CCDC92B: variants seen among roughly 807,000 people sequenced by gnomAD.
CCDC92B encodes the protein coiled-coil domain containing 92B, also known as coiled-coil domain-containing 92B.
Under a neutral mutation model 5.6 loss-of-function variants are expected in CCDC92B, and 2 were observed. The observed-to-expected ratio is 0.36, with a 90% confidence interval of 0.15 to 1.12. The LOEUF (loss-of-function observed/expected upper bound fraction) is 1.12. CCDC92B is among the 50% of genes most tolerant of loss of function. The pLI, the probability that CCDC92B is intolerant of heterozygous loss-of-function variation, is 0.40. For synonymous variants in CCDC92B, 115 were observed against 122.3 expected, an observed-to-expected ratio of 0.94 and a Z score of 0.39; for missense variants, 271 against 262.2, an observed-to-expected ratio of 1.03 and a Z score of -0.23.
In CCDC92B at chr17:2,734,165, C is replaced by G. The variant is rs183900339; in HGVS notation, c.130+851G>C. 2.4e-3 allele frequency among the ~76,000 whole-genome samples: 361 copies of G among 152,232 alleles called. 1 individual carries two copies. Among genetic ancestry groups the G allele is most frequent in the African/African-American group, 8.3e-3 (345 of 41,550 alleles). On this transcript the variant is annotated intron_variant, in intron 2 of 3. Coordinates refer to ENST00000614400, the MANE Select transcript of CCDC92B (RefSeq NM_001355573.2). ...ACCTTTCGACCTTTGCCGTGCTGTTCCCTTCATCTGGAATACTCTCTTCAC... is the reference window on the plus strand; with the variant it reads ...ACCTTTCGACCTTTGCCGTGCTGTTGCCTTCATCTGGAATACTCTCTTCAC...
chr17:2,748,076 T>C lies in CCDC92B; in HGVS notation c.-24+1335A>G, dbSNP rs759361554. On this transcript the variant is annotated intron_variant, in intron 1 of 3. Transcript: ENST00000614400. ...CCCACTGGGTGCTCGTCCTGGCGTT[T>C]ATGGCTTCTCATAAGAGAATCCCAA... is the stretch of plus-strand genomic sequence containing the variant. 9.5e-6 allele frequency: 5 copies of C among 526,074 alleles called. No individual in the cohort carries two copies. The East Asian group carries it at 2.7e-4, about 29-fold the overall frequency. The allele number at this position is 526,074 out of a possible 1,614,324, so 32.6% of individuals were successfully genotyped here.
At position 2,724,769 on chromosome 17, in the gene CCDC92B, G is replaced by A. The variant is rs1012131977; in HGVS notation, c.410C>T (p.Ala137Val). ...GTGCAGCTGGCAGGAGAGGTAGGCG[G>A]CCGCCTCGGTGTGCTTCTGCAGCTC... ...GTELQKHTEA[A>V]AYLSCQLHAA... The change falls in exon 4 of 4, where the codon GCC becomes GTC. Residue 137 changes from alanine to valine, a missense_variant. Transcript: ENST00000614400. This position sits in a 1 kb window ranked among gnomAD's most constrained non-coding sequence, Gnocchi z 5.0. The A allele has an allele frequency of 6.1e-6, 6 of 984,554 alleles. No homozygotes were observed. The African/African-American group carries it at 1.1e-4, about 17-fold the overall frequency. 61.0% of individuals were successfully genotyped at this position (984,554 alleles called of 1,614,324 possible).
intron 3 of CCDC92B, among the ~76,000 whole-genome samples, chr17:2,729,107 A>G (rs967305614): frequency 9.5e-4 from 144 of 152,148 alleles, no homozygotes; most frequent in African/African-American, 3.3e-3. Flanking sequence ...CCTGGGCTCA[A>G]GTGATTCTCC....
intron 3 of CCDC92B, among the ~76,000 whole-genome samples, chr17:2,725,539 C>T (rs1252531869): frequency 2.6e-5 from 4 of 151,540 alleles, no homozygotes; most frequent in African/African-American, 7.3e-5. Flanking sequence ...GTCTCTAATT[C>T]TTCAGGTTTC....
At chr17:2,742,404 G>A (rs779917754) in intron 1 of CCDC92B, among the ~76,000 whole-genome samples, 5 of 152,248 alleles carry the variant, frequency 3.3e-5, no homozygotes, top group South Asian at 2.1e-4. Context: ...CCAGGTGATG[G>A]TGGCCTGGAT....
intron 3 of CCDC92B, among the ~76,000 whole-genome samples, chr17:2,725,471 C>A (rs1231530894): frequency 6.6e-6 from 1 of 151,830 alleles, no homozygotes; most frequent in Non-Finnish European, 1.5e-5. Context: ...TCCTTCCCCA[C>A]GCGTCGGCTC....
At chr17:2,725,630 G>A (rs1175879284) in intron 3 of CCDC92B, among the ~76,000 whole-genome samples, 1 of 151,798 alleles carries the variant, frequency 6.6e-6, no homozygotes, top group Non-Finnish European at 1.5e-5. Flanking sequence ...CATTGTGTTA[G>A]GTATTGGAGA....
chr17:2,727,638 G>A (rs112743806), intron 3 of CCDC92B, among the ~76,000 whole-genome samples: 5,692 of 151,946 alleles, frequency 0.037, 168 homozygotes, highest in African/African-American at 0.064. Context: ...AGCCTGGCCA[G>A]CATGGCGAAA....
At chr17:2,733,357 T>G (rs912521495) in intron 2 of CCDC92B, among the ~76,000 whole-genome samples, 5 of 151,656 alleles carry the variant, frequency 3.3e-5, no homozygotes, top group African/African-American at 1.2e-4. Flanking sequence ...CCTCCCAGGT[T>G]CAAGCGATTC....
intron 1 of CCDC92B, among the ~76,000 whole-genome samples, chr17:2,739,022 G>A (rs548017388): frequency 2.6e-5 from 4 of 151,778 alleles, no homozygotes; most frequent in Non-Finnish European, 5.9e-5. Flanking sequence ...AGTGAGCTGA[G>A]ATCGAGCCAC....
rs2151736242 is a variant in CCDC92B, at chr17:2,725,014, G to C, written c.179-14C>G. 2 of 985,392 alleles carry C rather than the reference G, an allele frequency of 2.0e-6. No individual in the cohort carries two copies. The highest frequency in any genetic ancestry group is 1.1e-4 in the East Asian group (1 of 8,788). 61.0% of individuals were successfully genotyped at this position (985,392 alleles called of 1,614,324 possible). A position where few individuals can be genotyped will look rare whatever the true frequency, so the allele number is the denominator to read the frequency against. On this transcript the variant is annotated splice_polypyrimidine_tract_variant and intron_variant, in intron 3 of 3. Coordinates refer to ENST00000614400, the MANE Select transcript of CCDC92B (RefSeq NM_001355573.2). ...GGGACGCCGCCTCTGGAACGGGGCA[G>C]AGGCCAGAGGTGACGGTCTCCCCCT... is the stretch of plus-strand genomic sequence containing the variant.
intron 3 of CCDC92B, 92 bp from the exon 4 acceptor site, chr17:2,725,092 G>T: frequency 1.0e-6 from 1 of 983,760 alleles, no homozygotes; most frequent in Non-Finnish European, 1.2e-6. Flanking sequence ...AAACCCCCAG[G>T]CCGGGCGCGG....
At chr17:2,737,630 C>A (rs113670858) in intron 1 of CCDC92B, among the ~76,000 whole-genome samples, 1 of 151,770 alleles carries the variant, frequency 6.6e-6, no homozygotes, top group East Asian at 1.9e-4. Context: ...CACCACCACG[C>A]CCGGCTAATT....
chr17:2,749,143 A>G (rs1411916718), intron 1 of CCDC92B, among the ~76,000 whole-genome samples: 1 of 152,208 alleles, frequency 6.6e-6, no homozygotes, highest in Non-Finnish European at 1.5e-5. Flanking sequence ...GGGCAAAGGC[A>G]GCAGAAATAA....
At chr17:2,733,701 G>A (rs1026684874) in intron 2 of CCDC92B, among the ~76,000 whole-genome samples, 1 of 146,718 alleles carries the variant, frequency 6.8e-6, no homozygotes, top group African/African-American at 2.5e-5. Flanking sequence ...GACCCTGTCT[G>A]TGGAGCCTTA....
intron 1 of CCDC92B, among the ~76,000 whole-genome samples, chr17:2,741,281 C>G (rs2070923698): frequency 6.6e-6 from 1 of 152,048 alleles, no homozygotes; most frequent in South Asian, 2.1e-4. Context: ...GAGAAACAGA[C>G]ATTGCCGCTG....
chr17:2,743,167 C>T (rs1407315698), intron 1 of CCDC92B, among the ~76,000 whole-genome samples: 5 of 152,332 alleles, frequency 3.3e-5, no homozygotes, highest in Admixed American at 1.3e-4. Flanking sequence ...CGGTGGCTCA[C>T]GCCTGTCATC....
intron 2 of CCDC92B, among the ~76,000 whole-genome samples, chr17:2,731,008 T>G (rs2070789028): frequency 6.6e-6 from 1 of 152,222 alleles, no homozygotes; most frequent in African/African-American, 2.4e-5. Context: ...TTTTCACTAT[T>G]TTGACAGCCA....
chr17:2,732,702 G>T (rs894255674), intron 2 of CCDC92B, among the ~76,000 whole-genome samples: 1 of 150,684 alleles, frequency 6.6e-6, no homozygotes, highest in Non-Finnish European at 1.5e-5. Context: ...GGGCAACAGA[G>T]CAAGACTCTG....
Sources: gnomAD v4.1 joint callset for allele counts (sites outside exome capture counted in the v4.1 genomes callset) on GRCh38, gnomAD v4.1.1 for gene constraint, Gnocchi (gnomAD v3.1) non-coding constraint, MANE v1.5 for transcripts, NCBI Gene and HGNC (gene_info 2026-07-23, HGNC 2026-07-21) for gene names.